RYR2: variants seen among roughly 807,000 people sequenced by gnomAD.
RYR2 encodes cardiac muscle ryanodine receptor-calcium release channel.
Under a neutral mutation model 601.1 loss-of-function variants are expected in RYR2, and 227 were observed. The observed-to-expected ratio is 0.38, with a 90% CI of 0.34 to 0.42. RYR2 has a LOEUF of 0.42. Among genes scored for constraint, RYR2 ranks in the 10% least tolerant of loss-of-function variants. The probability of loss-of-function intolerance (pLI) is 1.00; values close to 1 mark genes in which losing one functional copy is unlikely to be tolerated. For synonymous variants in RYR2, 2,223 were observed against 2,175.1 expected (o/e 1.02, Z -0.61); for missense variants, 4,646 against 6,156.5 (o/e 0.75, Z 8.21).
intron 63 of RYR2, among the ~76,000 whole-genome samples, chr1:237,688,115 G>T (rs1160533360): frequency 6.6e-6 from 1 of 152,152 alleles, no homozygotes; most frequent in African/African-American, 2.4e-5. Context: ...AGCCATGCAG[G>T]GTGGGCACTC....
intron 1 of RYR2, among the ~76,000 whole-genome samples, chr1:237,182,870 G>A (rs1188764627): frequency 6.6e-6 from 1 of 152,204 alleles, no homozygotes; most frequent in East Asian, 1.9e-4. Flanking sequence ...TGTGGATTTT[G>A]ATTCTAAATC....
intron 1 of RYR2, among the ~76,000 whole-genome samples, chr1:237,204,108 T>C (rs929666427): frequency 1.3e-5 from 2 of 152,222 alleles, no homozygotes; most frequent in Admixed American, 1.3e-4. Flanking sequence ...CCTCCTGGGT[T>C]CAAGTGATTC....
intron 27 of RYR2, among the ~76,000 whole-genome samples, chr1:237,565,175 CTTTCTTTCTTTCTTT>C (rs1671891472): frequency 6.2e-5 from 6 of 97,382 alleles, no homozygotes; most frequent in South Asian, 7.7e-4. Flanking sequence ...TTCTTTCTTT[CTTTCTTTCTTTCTTT>C]CTTTCTTTCT....
At chr1:237,197,547 C>G (rs964231445) in intron 1 of RYR2, among the ~76,000 whole-genome samples, 1 of 152,054 alleles carries the variant, frequency 6.6e-6, no homozygotes, top group Admixed American at 6.6e-5. Flanking sequence ...GGAAAAGGAA[C>G]CAATATGATT....
chr1:237,642,573 A>G (rs942719009), intron 47 of RYR2, among the ~76,000 whole-genome samples: 5 of 152,190 alleles, frequency 3.3e-5, no homozygotes, highest in Non-Finnish European at 5.9e-5. Context: ...GGAATAGGGG[A>G]CCAACCTTGG....
chr1:237,710,328 TCA>T (rs1688725844), intron 70 of RYR2, among the ~76,000 whole-genome samples: 1 of 152,156 alleles, frequency 6.6e-6, no homozygotes, highest in Non-Finnish European at 1.5e-5. Flanking sequence ...AATTTCAACC[TCA>T]GTTTTATCAT....
At chr1:237,496,352 A>G (rs1336587317) in intron 19 of RYR2, among the ~76,000 whole-genome samples, 159 bp from the exon 20 acceptor site, 1 of 152,232 alleles carries the variant, frequency 6.6e-6, no homozygotes, top group Non-Finnish European at 1.5e-5. Context: ...TGGCTGCAAT[A>G]AACTATGATT....
chr1:237,305,398 T>G (rs553157849), intron 2 of RYR2, among the ~76,000 whole-genome samples: 36 of 152,194 alleles, frequency 2.4e-4, no homozygotes, highest in Non-Finnish European at 4.1e-4. Flanking sequence ...ATAATACATA[T>G]TTTATGTTTC....
In RYR2 at chr1:237,742,270, CT is replaced by C. The variant is rs397516499; in HGVS notation, c.11092-11del. ...TAAAATCTCAACATATTCCTGTCTC[CT>C]TTTTTTTTTTTTTTAAATATACAGA... On this transcript the variant is annotated intron_variant, in intron 79 of 104. Coordinates refer to ENST00000366574, the MANE Select transcript of RYR2 (RefSeq NM_001035.3). 185,124 of 1,059,846 alleles carry C rather than the reference CT, an allele frequency of 0.17. 3 individuals are homozygous for C. Among genetic ancestry groups the C allele is most frequent in the East Asian group, 0.26 (7,486 of 29,254 alleles). The allele number at this position is 1,059,846 out of a possible 1,614,324, so 65.7% of individuals were successfully genotyped here.
chr1:237,164,906 C>T (rs1241540830), intron 1 of RYR2, among the ~76,000 whole-genome samples: 1 of 151,860 alleles, frequency 6.6e-6, no homozygotes, highest in Non-Finnish European at 1.5e-5. Flanking sequence ...ATAATCCTAC[C>T]CTGTGTAGGA....
chr1:237,717,178 C>A lies in RYR2; in HGVS notation c.10324-20C>A. The A allele has an allele frequency of 6.2e-7, 1 of 1,611,114 alleles. No homozygotes were observed. The highest frequency in any genetic ancestry group is 8.5e-7 in the Non-Finnish European group (1 of 1,178,224). On this transcript the variant is annotated intron_variant, in intron 71 of 104. Transcript: ENST00000366574. ...TGAGAAAAGCAGGTTCAGATCCCAGCACTTCTCTTTGTTCCATAGGCAGCT... is the reference window on the plus strand; with the variant it reads ...TGAGAAAAGCAGGTTCAGATCCCAGAACTTCTCTTTGTTCCATAGGCAGCT...
At chr1:237,719,558 C>G (rs991046987) in intron 73 of RYR2, among the ~76,000 whole-genome samples, 4 of 152,102 alleles carry the variant, frequency 2.6e-5, no homozygotes, top group Non-Finnish European at 5.9e-5. Flanking sequence ...AGGTGCCACA[C>G]ACTTAAACAG....
intron 6 of RYR2, among the ~76,000 whole-genome samples, chr1:237,372,776 C>T (rs1572027916): frequency 6.6e-6 from 1 of 152,174 alleles, no homozygotes; most frequent in African/African-American, 2.4e-5. Context: ...ACATGCTGGA[C>T]AGCCTGGGAT....
intron 57 of RYR2, among the ~76,000 whole-genome samples, chr1:237,667,647 A>G (rs1459692704): frequency 6.6e-6 from 1 of 152,214 alleles, no homozygotes; most frequent in African/African-American, 2.4e-5. Context: ...TAATGTCTTC[A>G]AACATTATGA....
intron 16 of RYR2, among the ~76,000 whole-genome samples, chr1:237,465,143 C>T (rs1659930858): frequency 6.6e-6 from 1 of 151,730 alleles, no homozygotes; most frequent in Admixed American, 6.6e-5. Context: ...AGGAGGTACT[C>T]TATTTTACTG....
At chr1:237,151,813 G>A (rs527243979) in intron 1 of RYR2, among the ~76,000 whole-genome samples, 1 of 152,270 alleles carries the variant, frequency 6.6e-6, no homozygotes, top group South Asian at 2.1e-4. Context: ...GTGTGGCATG[G>A]ACATTGATCT....
chr1:237,750,159 A>G (rs1692424578), intron 80 of RYR2, among the ~76,000 whole-genome samples: 1 of 152,218 alleles, frequency 6.6e-6, no homozygotes, highest in Admixed American at 6.5e-5. Context: ...AAACAAAAAA[A>G]GAAAAAAGAA....
At position 237,591,029 on chromosome 1, in the gene RYR2, T is replaced by C. The variant is rs746953380; in HGVS notation, c.4160+37T>C. The C allele has an allele frequency of 1.3e-5, 21 of 1,566,972 alleles. No individual in the cohort carries two copies. In the African/African-American group the frequency reaches 2.9e-4, roughly 21 times the overall value. On this transcript the variant is annotated intron_variant, in intron 31 of 104. Coordinates refer to ENST00000366574, the MANE Select transcript of RYR2 (RefSeq NM_001035.3). The stretch of plus-strand genomic sequence containing the variant: ...ATACGCTGTGATTTTAAATTTGTAG[T>C]TATGTGAGGAAGGTTACAGTCCAGA...
At chr1:237,441,079 A>G (rs1707855492) in intron 12 of RYR2, among the ~76,000 whole-genome samples, 1 of 152,134 alleles carries the variant, frequency 6.6e-6, no homozygotes, top group Non-Finnish European at 1.5e-5. Flanking sequence ...GGAGTTGGCC[A>G]TTATGCAACA....
Sources: allele counts gnomAD v4.1 joint callset (sites outside exome capture counted in the v4.1 genomes callset), GRCh38; gene constraint gnomAD v4.1.1; transcripts MANE v1.5; gene names NCBI Gene and HGNC (gene_info 2026-07-23, HGNC 2026-07-21).